Variants in PHACTR2 observed in about 807,000 individuals in gnomAD.
The protein encoded by PHACTR2 is chromosome 6 open reading frame 56.
PHACTR2 carries 30 observed loss-of-function variants against 76.0 expected under a neutral mutation model. The ratio of observed to expected loss-of-function variants is 0.39; its 90% CI spans 0.30 to 0.54. PHACTR2 has a LOEUF of 0.54. Among genes scored for constraint, PHACTR2 ranks in the 20% least tolerant of loss-of-function variants. The pLI is 0.61. For synonymous variants in PHACTR2, 292 were observed against 292.5 expected (o/e 1.00, Z 0.02); for missense variants, 696 against 781.1 (o/e 0.89, Z 1.30).
At chr6:143,606,327 G>A (rs73778607), upstream of PHACTR2, among the ~76,000 whole-genome samples, 368 of 152,180 alleles carry the variant, frequency 2.4e-3, 2 homozygotes, top group African/African-American at 8.5e-3. Context: ...TATATAAATC[G>A]CATTGTGAGT....
At chr6:143,661,147 G>C (rs1776940631) in intron 1 of PHACTR2, among the ~76,000 whole-genome samples, 1 of 152,138 alleles carries the variant, frequency 6.6e-6, no homozygotes, top group Non-Finnish European at 1.5e-5. Flanking sequence ...AAAAACTCTA[G>C]ATGAAGTAAG....
rs1369672034 is a variant in PHACTR2 at position 143,793,877 on chromosome 6, C to T, written c.1845+4967C>T. On this transcript the variant is annotated intron_variant, in intron 11 of 12. Coordinates refer to ENST00000440869, the MANE Select transcript of PHACTR2 (RefSeq NM_001100164.2). The surrounding 1 kb of genome is among the most constrained non-coding windows in gnomAD (Gnocchi z 4.4). ...GGCTGCAGTGAGCCATGCCACGGCACTCCAGCCTGGGCAACAGAGCTAGAC... is the reference window on the plus strand; with the variant it reads ...GGCTGCAGTGAGCCATGCCACGGCATTCCAGCCTGGGCAACAGAGCTAGAC... Among the ~76,000 whole-genome samples, 3 of 151,982 alleles carry T rather than the reference C, an allele frequency of 2.0e-5. No homozygotes were observed. Among genetic ancestry groups the T allele is most frequent in the Non-Finnish European group, 4.4e-5 (3 of 67,978 alleles).
intron 12 of PHACTR2, among the ~76,000 whole-genome samples, chr6:143,813,533 C>G (rs1027781473): frequency 1.3e-5 from 2 of 150,256 alleles, no homozygotes; most frequent in Non-Finnish European, 1.5e-5. Context: ...CGGGAGAATG[C>G]CGTGAACCCG....
At chr6:143,736,131 C>T (rs891668993) in intron 2 of PHACTR2, among the ~76,000 whole-genome samples, 4 of 152,178 alleles carry the variant, frequency 2.6e-5, no homozygotes, top group Non-Finnish European at 5.9e-5. Flanking sequence ...TGGGTACAAG[C>T]GATCCTCCTG....
Position 143,708,005 on chromosome 6 carries a change from CAAT to C in PHACTR2, c.47-4010_47-4008del, listed in dbSNP as rs1778091666. On this transcript the variant is annotated intron_variant, in intron 1 of 12. Transcript: ENST00000440869. The surrounding 1 kb of genome is among the most constrained non-coding windows in gnomAD (Gnocchi z 5.5). ...AGTATCAAGAGGGGACGGTGCTAAG[CAAT>C]TCATGAAAACTCTGCCACCATGATC... is the stretch of plus-strand genomic sequence containing the variant. 1.3e-5 allele frequency among the ~76,000 whole-genome samples: 2 copies of C among 152,154 alleles called. 1 individual carries two copies. The highest frequency in any genetic ancestry group is 4.1e-4 in the South Asian group (2 of 4,830).
At chr6:143,584,327 ATGAGGCATCCTGAGTCCCTCCAC>A (rs1369742598) in intron 1 of PHACTR2, among the ~76,000 whole-genome samples, 1 of 152,196 alleles carries the variant, frequency 6.6e-6, no homozygotes, top group African/African-American at 2.4e-5. Flanking sequence ...CGAGTGTTGG[ATGAGGCATCCTGAGTCCCTCCAC>A]TGTACAGACA....
intron 12 of PHACTR2, among the ~76,000 whole-genome samples, chr6:143,817,858 G>A (rs564997299): frequency 1.7e-4 from 26 of 152,296 alleles, no homozygotes; most frequent in Non-Finnish European, 3.1e-4. Flanking sequence ...AGAGGGTAGG[G>A]GAAAGGAGAT....
rs1776085218 is a variant in PHACTR2 at position 143,807,219 on chromosome 6, A to G, written c.1922+86A>G. The G allele has an allele frequency of 9.1e-6, 7 of 772,020 alleles. No individual in the cohort carries two copies. The highest frequency in any genetic ancestry group is 7.6e-5 in the East Asian group (3 of 39,516). The allele number at this position is 772,020 out of a possible 1,614,324, so 47.8% of individuals were successfully genotyped here. A position where few individuals can be genotyped will look rare whatever the true frequency, so the allele number is the denominator to read the frequency against. On this transcript the variant is annotated intron_variant, in intron 12 of 12. Transcript: ENST00000440869. The surrounding 1 kb of genome is among the most constrained non-coding windows in gnomAD (Gnocchi z 5.5). Reference sequence around the variant, plus strand: ...TGGTTAAAAAAAGAAATTGCTTACAATGGTAAATTTTATGATAGGTATATT... The same window carrying G: ...TGGTTAAAAAAAGAAATTGCTTACAGTGGTAAATTTTATGATAGGTATATT...
intron 12 of PHACTR2, among the ~76,000 whole-genome samples, chr6:143,817,703 A>G (rs1258215560): frequency 1.3e-5 from 2 of 152,256 alleles, no homozygotes; most frequent in Non-Finnish European, 2.9e-5. Context: ...CATTTACACC[A>G]GCATGGATGA....
At chr6:143,551,058 CA>C (rs111767009) in intron 1 of PHACTR2, among the ~76,000 whole-genome samples, 5 of 150,352 alleles carry the variant, frequency 3.3e-5, no homozygotes, top group African/African-American at 1.2e-4. Flanking sequence ...AAAAAGACAA[CA>C]AAAAAAAACC....
At chr6:143,771,169 T>TATGTGTATATATATATATATATAC in intron 6 of PHACTR2, among the ~76,000 whole-genome samples, 1 of 28,230 alleles carries the variant, frequency 3.5e-5, no homozygotes, top group African/African-American at 2.1e-4. Flanking sequence ...TATATATATA[T>TATGTGTATATATATATATATATAC]ATATGTATAT....
rs575630127 is a variant in PHACTR2, at chr6:143,539,159, A to C, written c.217+1952A>C. On this transcript the variant is annotated intron_variant, in intron 1 of 11. Transcript: ENST00000367584. This position sits in a 1 kb window ranked among gnomAD's most constrained non-coding sequence, Gnocchi z 4.3. The stretch of plus-strand genomic sequence containing the variant: ...TAAAATGTGAGTGTGCAAAGTGTAC[A>C]TCATGTGAACCATGGGCTCCAATTT... 6.6e-6 allele frequency among the ~76,000 whole-genome samples: 1 copy of C among 152,372 alleles called. No homozygotes were observed. The highest frequency in any genetic ancestry group is 1.9e-4 in the East Asian group (1 of 5,186).
chr6:143,719,602 G>A (rs1289409507), intron 2 of PHACTR2, among the ~76,000 whole-genome samples: 5 of 147,918 alleles, frequency 3.4e-5, no homozygotes, highest in Admixed American at 1.4e-4. Context: ...CACCTGCCTC[G>A]GCCTCCTAAA....
In PHACTR2 at chr6:143,749,428, A is replaced by G. The variant is rs114922270; in HGVS notation, c.295+363A>G. Among the ~76,000 whole-genome samples, 903 of 152,278 alleles carry G rather than the reference A, an allele frequency of 5.9e-3. 12 individuals are homozygous for G. The highest frequency in any genetic ancestry group is 0.021 in the African/African-American group (852 of 41,554). On this transcript the variant is annotated intron_variant, in intron 3 of 12. Transcript: ENST00000440869. ...AAACTCATGTGTTTGAGTAAATGCAAAGTTTTAGCTTGGTTCATGCTATTT... is the reference window on the plus strand; with the variant it reads ...AAACTCATGTGTTTGAGTAAATGCAGAGTTTTAGCTTGGTTCATGCTATTT...
In PHACTR2 at chr6:143,656,385, G is replaced by C. The variant is rs975354645; in HGVS notation, c.13+48063G>C. On this transcript the variant is annotated intron_variant, in intron 1 of 11. Transcript: ENST00000305766. This position sits in a 1 kb window ranked among gnomAD's most constrained non-coding sequence, Gnocchi z 5.3. Reference sequence around the variant, plus strand: ...CACATTGGAAGTAGAATTGTCTTGGGCCACACATAAAATACACTAACACTA... The same window carrying C: ...CACATTGGAAGTAGAATTGTCTTGGCCCACACATAAAATACACTAACACTA... Among the ~76,000 whole-genome samples, 2 of 152,264 alleles carry C rather than the reference G, an allele frequency of 1.3e-5. No homozygotes were observed. The highest frequency in any genetic ancestry group is 4.8e-5 in the African/African-American group (2 of 41,546).
chr6:143,814,173 T>C (rs1776248269), intron 12 of PHACTR2, among the ~76,000 whole-genome samples: 1 of 152,100 alleles, frequency 6.6e-6, no homozygotes, highest in Non-Finnish European at 1.5e-5. Flanking sequence ...TTGGCCAACA[T>C]GGAGAATCCC....
At chr6:143,626,354 G>A (rs2128441049) in intron 1 of PHACTR2, among the ~76,000 whole-genome samples, 1 of 152,086 alleles carries the variant, frequency 6.6e-6, no homozygotes, top group South Asian at 2.1e-4. Context: ...TGGCTAACAC[G>A]GTGAAACCCC....
At position 143,795,712 on chromosome 6, in the gene PHACTR2, G is replaced by T. The variant is rs1323182934; in HGVS notation, c.1845+6802G>T. Reference sequence around the variant, plus strand: ...CTAGGATGGATTGATCCTTGACTTGGCCACTTAGTAGTTGTTTGACCTTGG... The same window carrying T: ...CTAGGATGGATTGATCCTTGACTTGTCCACTTAGTAGTTGTTTGACCTTGG... On this transcript the variant is annotated intron_variant, in intron 11 of 12. Transcript: ENST00000440869. The surrounding 1 kb of genome is among the most constrained non-coding windows in gnomAD (Gnocchi z 4.8). 6.6e-6 allele frequency among the ~76,000 whole-genome samples: 1 copy of T among 152,142 alleles called. No homozygotes were observed. The highest frequency in any genetic ancestry group is 2.4e-5 in the African/African-American group (1 of 41,442).
rs187576680 is a variant in PHACTR2, at chr6:143,829,263, T to C, written c.*5574T>C. Reference sequence around the variant, plus strand: ...TTATTGGTCATAATCCTTGTTACTGTCATGAGGATTGTTGCATGGGTTAAA... The same window carrying C: ...TTATTGGTCATAATCCTTGTTACTGCCATGAGGATTGTTGCATGGGTTAAA... On this transcript the variant is annotated 3_prime_UTR_variant, in exon 13 of 13. Coordinates refer to ENST00000440869, the MANE Select transcript of PHACTR2 (RefSeq NM_001100164.2). 2 of 150,724 alleles carry C rather than the reference T, an allele frequency of 1.3e-5. No individual in the cohort carries two copies. The highest frequency in any genetic ancestry group is 1.3e-4 in the Admixed American group (2 of 15,074). 9.3% of individuals were successfully genotyped at this position (150,724 alleles called of 1,614,324 possible).
Sources: allele counts gnomAD v4.1 joint callset (sites outside exome capture counted in the v4.1 genomes callset), GRCh38; gene constraint gnomAD v4.1.1; non-coding constraint Gnocchi (gnomAD v3.1); transcripts MANE v1.5; gene names NCBI Gene and HGNC (gene_info 2026-07-23, HGNC 2026-07-21).